The following LRRC4C variants were observed in gnomAD, a reference collection of about 807,000 sequenced individuals.
The protein encoded by LRRC4C is leucine rich repeat containing 4C.
LRRC4C carries 5 observed loss-of-function variants against 33.6 expected under a neutral mutation model. The ratio of observed to expected loss-of-function variants is 0.15; its 90% confidence interval spans 0.08 to 0.31. The LOEUF (loss-of-function observed/expected upper bound fraction) is 0.31. Among genes scored for constraint, LRRC4C ranks in the 10% least tolerant of loss-of-function variants. The pLI, the probability that LRRC4C is intolerant of heterozygous loss-of-function variation, is 1.00. For synonymous variants in LRRC4C, 329 were observed against 302.0 expected, an observed-to-expected ratio of 1.09 and a Z score of -0.93; for missense variants, 560 against 796.7, an observed-to-expected ratio of 0.70 and a Z score of 3.58.
rs572676338 is a variant in LRRC4C at position 40,819,804 on chromosome 11, C to T, written c.-407+113831G>A. Among the ~76,000 whole-genome samples the T allele has an allele frequency of 1.2e-3, 182 of 151,216 alleles. 2 individuals are homozygous for T. The highest frequency in any genetic ancestry group is 4.1e-3 in the African/African-American group (168 of 40,906). ...GGGTTACTGTTCTGAGATGGTTAAG[C>T]ATAATTTCTGATCAGTCATTGGCTA... is the stretch of plus-strand genomic sequence containing the variant. On this transcript the variant is annotated intron_variant, in intron 2 of 6. Coordinates refer to ENST00000528697, the MANE Select transcript of LRRC4C (RefSeq NM_001258419.2).
rs535819860 is a variant in LRRC4C at position 41,177,729 on chromosome 11, T to A, written c.-495-244006A>T. ...AATTCTAATTTAAGCACAACAGTAA[T>A]GACTTCCATTTATATAGTCATTTTT... On this transcript the variant is annotated intron_variant, in intron 1 of 6. Coordinates refer to ENST00000528697, the MANE Select transcript of LRRC4C (RefSeq NM_001258419.2). Among the ~76,000 whole-genome samples the A allele has an allele frequency of 4.6e-5, 7 of 152,332 alleles. No individual in the cohort carries two copies. In the South Asian group the frequency reaches 8.3e-4, roughly 18 times the overall value.
chr11:41,232,488 T>C (rs1166853498), intron 1 of LRRC4C, among the ~76,000 whole-genome samples: 1 of 152,016 alleles, frequency 6.6e-6, no homozygotes, highest in Non-Finnish European at 1.5e-5. Flanking sequence ...TGGTTATCAA[T>C]CACTGTTTTA....
intron 1 of LRRC4C, among the ~76,000 whole-genome samples, chr11:41,138,121 T>C (rs1170388301): frequency 1.3e-5 from 2 of 152,214 alleles, no homozygotes; most frequent in Admixed American, 6.6e-5. Flanking sequence ...ATTTTGTGAG[T>C]TGAAAGAACT....
At chr11:40,615,378 A>G (rs1961699305) in intron 3 of LRRC4C, among the ~76,000 whole-genome samples, 1 of 150,920 alleles carries the variant, frequency 6.6e-6, no homozygotes, top group African/African-American at 2.4e-5. Context: ...CCTGAACTCT[A>G]TTTCCAATAT....
intron 1 of LRRC4C, among the ~76,000 whole-genome samples, chr11:41,142,362 A>G (rs1943544715): frequency 1.3e-5 from 2 of 152,132 alleles, no homozygotes; most frequent in African/African-American, 4.8e-5. Context: ...TTCTGTTAAA[A>G]CCAGATTGCT....
At chr11:40,530,627 T>A (rs952240343) in intron 3 of LRRC4C, among the ~76,000 whole-genome samples, 14 of 152,300 alleles carry the variant, frequency 9.2e-5, no homozygotes, top group South Asian at 6.2e-4. Context: ...TAGCAACTCA[T>A]GGATTTGCTT....
At chr11:40,576,842 G>A (rs1395389768) in intron 3 of LRRC4C, among the ~76,000 whole-genome samples, 1 of 152,148 alleles carries the variant, frequency 6.6e-6, no homozygotes, top group Non-Finnish European at 1.5e-5. Flanking sequence ...TGTGGGTTTA[G>A]CATGTAATTT....
chr11:40,564,269 G>A (rs1421452404), intron 3 of LRRC4C, among the ~76,000 whole-genome samples: 1 of 152,144 alleles, frequency 6.6e-6, no homozygotes, highest in African/African-American at 2.4e-5. Flanking sequence ...CGAAGTGTGA[G>A]TACCTGATTT....
At chr11:40,210,048 A>G (rs952605967) in intron 5 of LRRC4C, among the ~76,000 whole-genome samples, 2 of 152,188 alleles carry the variant, frequency 1.3e-5, no homozygotes, top group African/African-American at 2.4e-5. Context: ...GAAGATTTCT[A>G]TGTCTTCAAG....
intron 1 of LRRC4C, among the ~76,000 whole-genome samples, chr11:40,971,307 C>A: frequency 6.6e-6 from 1 of 152,190 alleles, no homozygotes; most frequent in East Asian, 1.9e-4. Flanking sequence ...CCTCAGGACC[C>A]TGGTCCCTGC....
chr11:40,266,388 G>A (rs568179505), intron 4 of LRRC4C, among the ~76,000 whole-genome samples: 3 of 152,270 alleles, frequency 2.0e-5, no homozygotes, highest in Middle Eastern at 3.4e-3. Context: ...GGGAGTCCAA[G>A]ACAGGGAGGT....
At position 41,198,379 on chromosome 11, in the gene LRRC4C, T is replaced by C. The variant is rs538214701; in HGVS notation, c.-496+261052A>G. 1.2e-3 allele frequency among the ~76,000 whole-genome samples: 184 copies of C among 152,216 alleles called. 1 individual carries two copies. The highest frequency in any genetic ancestry group is 4.3e-3 in the African/African-American group (179 of 41,562). On this transcript the variant is annotated intron_variant, in intron 1 of 6. Coordinates refer to ENST00000528697, the MANE Select transcript of LRRC4C (RefSeq NM_001258419.2). ...AATTCTAGGTATAAATAAAATTATC[T>C]CCTTTTTTCAGAAAGTGAAAGTAAG...
At chr11:40,998,739 T>C (rs189228771) in intron 1 of LRRC4C, among the ~76,000 whole-genome samples, 211 of 152,226 alleles carry the variant, frequency 1.4e-3, no homozygotes, top group Admixed American at 2.2e-3. Context: ...CAGGTCAAAA[T>C]TCATCACCTG....
chr11:41,228,003 C>T (rs753034925), intron 1 of LRRC4C, among the ~76,000 whole-genome samples: 6 of 152,070 alleles, frequency 3.9e-5, no homozygotes, highest in Non-Finnish European at 7.4e-5. Context: ...AATGTATTCA[C>T]ACTGAACTTC....
chr11:40,680,531 A>G (rs888761160), intron 2 of LRRC4C, among the ~76,000 whole-genome samples: 2 of 152,108 alleles, frequency 1.3e-5, no homozygotes, highest in Non-Finnish European at 2.9e-5. Flanking sequence ...TTGGAGGCGG[A>G]TCTTTCCCAT....
At chr11:40,880,129 C>T (rs1955095748) in intron 2 of LRRC4C, among the ~76,000 whole-genome samples, 1 of 152,104 alleles carries the variant, frequency 6.6e-6, no homozygotes, top group African/African-American at 2.4e-5. Context: ...GCCAAAAGGT[C>T]TGCTGGAAGT....
At chr11:40,898,727 G>A (rs1394888329) in intron 2 of LRRC4C, among the ~76,000 whole-genome samples, 1 of 151,696 alleles carries the variant, frequency 6.6e-6, no homozygotes, top group Non-Finnish European at 1.5e-5. Flanking sequence ...AAATGTTTAA[G>A]GTATGAATTT....
intron 2 of LRRC4C, among the ~76,000 whole-genome samples, chr11:40,662,297 T>C (rs528304090): frequency 2.6e-5 from 4 of 152,252 alleles, no homozygotes; most frequent in South Asian, 4.1e-4. Context: ...TCCAGCTTTG[T>C]ATAAGAGACC....
intron 3 of LRRC4C, among the ~76,000 whole-genome samples, chr11:40,531,381 G>A (rs12575452): frequency 0.094 from 14,238 of 152,018 alleles, 789 homozygotes; most frequent in Middle Eastern, 0.15. Context: ...CAAGAGAGTC[G>A]AATTCACCTC....
Sources: allele counts gnomAD v4.1 joint callset (sites outside exome capture counted in the v4.1 genomes callset), GRCh38; gene constraint gnomAD v4.1.1; transcripts MANE v1.5; gene names NCBI Gene and HGNC (gene_info 2026-07-23, HGNC 2026-07-21).